PAX5: variants seen among roughly 807,000 people sequenced by gnomAD.
PAX5 encodes the protein paired box protein Pax-5.
A neutral mutation model predicts 43.7 loss-of-function variants in PAX5; 9 were observed. The observed-to-expected ratio is 0.21, with a 90% confidence interval of 0.12 to 0.36. The LOEUF is 0.36. Among genes scored for constraint, PAX5 ranks in the 10% least tolerant of loss-of-function variants. PAX5 has a pLI of 1.00. For missense variants in PAX5, 383 were observed against 532.7 expected (o/e 0.72, Z 2.77); for synonymous variants, 228 against 214.3 (o/e 1.06, Z -0.56).
intron 5 of PAX5, among the ~76,000 whole-genome samples, chr9:36,967,212 A>G (rs917430676): frequency 1.3e-5 from 2 of 152,202 alleles, no homozygotes; most frequent in African/African-American, 4.8e-5. Flanking sequence ...TCAGTGAAAC[A>G]CTGTGCTAGG....
At chr9:36,905,956 T>C (rs1029783000) in intron 7 of PAX5, among the ~76,000 whole-genome samples, 12 of 152,054 alleles carry the variant, frequency 7.9e-5, no homozygotes, top group Non-Finnish European at 1.5e-4. Flanking sequence ...ATCTCAACAC[T>C]GGGGCAGATG....
intron 8 of PAX5, among the ~76,000 whole-genome samples, chr9:36,876,672 T>A (rs1403048005): frequency 6.6e-6 from 1 of 152,232 alleles, no homozygotes; most frequent in Non-Finnish European, 1.5e-5. Flanking sequence ...TTCTGGGACT[T>A]GATGGAAATA....
chr9:36,882,590 C>T lies in PAX5; in HGVS notation c.911-485G>A, dbSNP rs1366693662. On this transcript the variant is annotated intron_variant, in intron 7 of 9. Coordinates refer to ENST00000358127, the MANE Select transcript of PAX5 (RefSeq NM_016734.3). This position sits in a 1 kb window ranked among gnomAD's most constrained non-coding sequence, Gnocchi z 4.4. ...AGACCAGCTCAAATGCCTCCCTTCT[C>T]CTCTCCTCAACAGCCCCCCACAGTG... Among the ~76,000 whole-genome samples the T allele has an allele frequency of 1.3e-5, 2 of 152,234 alleles. No individual in the cohort carries two copies. The highest frequency in any genetic ancestry group is 4.8e-5 in the African/African-American group (2 of 41,454).
intron 8 of PAX5, among the ~76,000 whole-genome samples, chr9:36,860,430 G>C (rs1281531598): frequency 6.6e-6 from 1 of 152,142 alleles, no homozygotes; most frequent in Non-Finnish European, 1.5e-5. Context: ...TAAGCGGGGG[G>C]AGGCAGATGG....
chr9:36,966,657 C>A lies in PAX5; in HGVS notation c.672G>T (p.Met224Ile). The change falls in exon 6 of 10, where the codon ATG becomes ATT. Residue 224 changes from methionine (M) to isoleucine (I), a missense_variant. Physicochemically the swap from Met to Ile is conservative, Grantham distance 10. Around this residue, in one of 5 missense-constraint regions of PAX5, gnomAD observed 291 missense variants for 342.5 expected, o/e 0.85. Coordinates refer to ENST00000358127, the MANE Select transcript of PAX5 (RefSeq NM_016734.3). ...GCTGCTGTGTGAACAAGTCTCCCCG[C>A]ATCTGCTTCCGGAGGAAGTCTCTGC... ...LPGRDFLRKQMRGDLFTQQQL... is the reference protein window; with the variant it reads ...LPGRDFLRKQIRGDLFTQQQL... 1 of 1,614,224 alleles carries A rather than the reference C, an allele frequency of 6.2e-7. No homozygotes were observed. Among genetic ancestry groups the A allele is most frequent in the Non-Finnish European group, 8.5e-7 (1 of 1,180,034 alleles).
At chr9:36,906,818 T>G (rs992314165) in intron 7 of PAX5, among the ~76,000 whole-genome samples, 11 of 152,034 alleles carry the variant, frequency 7.2e-5, no homozygotes, top group Admixed American at 2.0e-4. Flanking sequence ...TTTAGTGCTT[T>G]GCAAGTTATC....
intron 6 of PAX5, among the ~76,000 whole-genome samples, chr9:36,938,719 G>T (rs1831774777): frequency 6.6e-6 from 1 of 152,128 alleles, no homozygotes; most frequent in South Asian, 2.1e-4. Context: ...ACCCAGGCAG[G>T]ATCCTTCCTG....
intron 6 of PAX5, among the ~76,000 whole-genome samples, chr9:36,959,299 G>A (rs1833759268): frequency 6.6e-6 from 1 of 152,210 alleles, no homozygotes; most frequent in Admixed American, 6.5e-5. Flanking sequence ...TATGAAAATG[G>A]ATAGATTCTA....
At chr9:37,022,910 C>G (rs1839975515) in intron 1 of PAX5, among the ~76,000 whole-genome samples, 1 of 152,134 alleles carries the variant, frequency 6.6e-6, no homozygotes, top group Non-Finnish European at 1.5e-5. Flanking sequence ...TCCCCAAGAC[C>G]CCTTGGCCTT....
intron 7 of PAX5, among the ~76,000 whole-genome samples, chr9:36,918,616 G>A (rs1195840264): frequency 6.6e-6 from 1 of 152,094 alleles, no homozygotes. Context: ...AGCCATGATT[G>A]CACCACTGCA....
At chr9:37,026,905 G>T (rs943926487) in intron 1 of PAX5, among the ~76,000 whole-genome samples, 4 of 152,204 alleles carry the variant, frequency 2.6e-5, no homozygotes, top group Non-Finnish European at 5.9e-5. Flanking sequence ...GGGGCATAGC[G>T]TAGGGGCCCG....
intron 7 of PAX5, among the ~76,000 whole-genome samples, chr9:36,884,382 G>GA (rs1826739021): frequency 6.6e-6 from 1 of 152,090 alleles, no homozygotes; most frequent in South Asian, 2.1e-4. Flanking sequence ...ATTAAAGGAA[G>GA]AAAATCATAT....
chr9:36,855,554 A>T (rs1011388218), intron 8 of PAX5, among the ~76,000 whole-genome samples: 4 of 152,168 alleles, frequency 2.6e-5, no homozygotes, highest in Admixed American at 1.3e-4. Flanking sequence ...ATTTGTGTGC[A>T]TGCGTGAGGT....
At chr9:36,913,477 G>A (rs899201057) in intron 7 of PAX5, among the ~76,000 whole-genome samples, 6 of 152,164 alleles carry the variant, frequency 3.9e-5, no homozygotes, top group Non-Finnish European at 7.4e-5. Flanking sequence ...TGCCCCACCC[G>A]CTGTCCTCTC....
At chr9:36,893,770 A>G (rs944265556) in intron 7 of PAX5, among the ~76,000 whole-genome samples, 4 of 152,204 alleles carry the variant, frequency 2.6e-5, no homozygotes. Context: ...TGAGCCGCCC[A>G]CTTACAGACG....
In PAX5 at chr9:36,838,401, C is replaced by T. The variant is rs1009815447; in HGVS notation, c.*2159G>A. The T allele has an allele frequency of 8.6e-6, 2 of 232,648 alleles. No individual in the cohort carries two copies. Among genetic ancestry groups the T allele is most frequent in the Non-Finnish European group, 1.7e-5 (2 of 117,790 alleles). The allele number at this position is 232,648 out of a possible 1,614,324, so 14.4% of individuals were successfully genotyped here. A position where few individuals can be genotyped will look rare whatever the true frequency, so the allele number is the denominator to read the frequency against. On this transcript the variant is annotated 3_prime_UTR_variant, in exon 10 of 10. Coordinates refer to ENST00000358127, the MANE Select transcript of PAX5 (RefSeq NM_016734.3). ...CACCATGGGTTGGGGGTCAGGAGCC[C>T]GAGTCCCAGCCCCACCCCCACCAGT...
intron 1 of PAX5, among the ~76,000 whole-genome samples, chr9:37,023,868 A>G (rs1197326706): frequency 6.6e-6 from 1 of 152,216 alleles, no homozygotes; most frequent in Non-Finnish European, 1.5e-5. Flanking sequence ...CCCTAATGGT[A>G]TTGATACATG....
intron 6 of PAX5, 83 bp from the exon 7 acceptor site, chr9:36,923,567 C>A (rs1830356723): frequency 6.7e-7 from 1 of 1,499,532 alleles, no homozygotes; most frequent in South Asian, 1.3e-5. Context: ...TGAGCTCAGC[C>A]ACCAAGCTGA....
chr9:36,834,136 G>C lies in PAX5; in HGVS notation c.*6424C>G. The C allele has an allele frequency of 4.3e-6, 1 of 233,320 alleles. No homozygotes were observed. Among genetic ancestry groups the C allele is most frequent in the Non-Finnish European group, 8.5e-6 (1 of 118,056 alleles). The allele number at this position is 233,320 out of a possible 1,614,324, so 14.5% of individuals were successfully genotyped here. A position where few individuals can be genotyped will look rare whatever the true frequency, so the allele number is the denominator to read the frequency against. On this transcript the variant is annotated 3_prime_UTR_variant, in exon 10 of 10. Coordinates refer to ENST00000358127, the MANE Select transcript of PAX5 (RefSeq NM_016734.3). The stretch of plus-strand genomic sequence containing the variant: ...TCCAGCAGGAGTCAGGGCAAACCCA[G>C]AGCCAAAACTCCATCCTCAGCCCAA...
Sources: allele counts gnomAD v4.1 joint callset (sites outside exome capture counted in the v4.1 genomes callset), GRCh38; gene constraint gnomAD v4.1.1; regional missense constraint gnomAD v4.1.1; non-coding constraint Gnocchi (gnomAD v3.1); transcripts MANE v1.5; gene names NCBI Gene and HGNC (gene_info 2026-07-23, HGNC 2026-07-21).